KRIT1: variants seen among roughly 807,000 people sequenced by gnomAD.
KRIT1 encodes the protein KRIT1 ankyrin repeat containing, also known as krev interaction trapped protein 1.
A neutral mutation model predicts 95.8 loss-of-function variants in KRIT1; 45 were observed. The ratio of observed to expected loss-of-function variants is 0.47; its 90% CI spans 0.37 to 0.60. KRIT1 has a LOEUF of 0.60. Among genes scored for constraint, KRIT1 ranks in the 20% least tolerant of loss-of-function variants. The probability of loss-of-function intolerance (pLI) is 0.00; values close to 1 mark genes in which losing one functional copy is unlikely to be tolerated. For synonymous variants in KRIT1, 282 were observed against 278.8 expected, an observed-to-expected ratio of 1.01 and a Z score of -0.11; for missense variants, 788 against 877.5, an observed-to-expected ratio of 0.90 and a Z score of 1.29.
At chr7:92,234,408 T>C (rs1190798375) in intron 10 of KRIT1, 41 bp downstream of exon 10, 3 of 1,426,684 alleles carry the variant, frequency 2.1e-6, no homozygotes, top group Non-Finnish European at 3.0e-6. Flanking sequence ...TAATAAAAAA[T>C]GTATTCTTTC....
At chr7:92,227,498 T>C (rs1447650353) in intron 10 of KRIT1, among the ~76,000 whole-genome samples, 1 of 152,102 alleles carries the variant, frequency 6.6e-6, no homozygotes, top group African/African-American at 2.4e-5. Flanking sequence ...TCAGTCTAGA[T>C]GGTCCTGTAA....
Position 92,222,067 on chromosome 7 carries a change from T to C in KRIT1, c.1412-14A>G, listed in dbSNP as rs770576528. ...TGAGTTGAAGGCCTGAAAAACATCA[T>C]TCCTTTTATAAATGATAATGTAAAA... On this transcript the variant is annotated splice_polypyrimidine_tract_variant and intron_variant, in intron 13 of 18. Transcript: ENST00000394505. 6.2e-7 allele frequency: 1 copy of C among 1,605,990 alleles called. No individual in the cohort carries two copies. Among genetic ancestry groups the C allele is most frequent in the East Asian group, 2.2e-5 (1 of 44,780 alleles).
At chr7:92,245,231 A>C (rs1340901789) in intron 1 of KRIT1, 60 bp from the exon 2 acceptor site, 3 of 152,122 alleles carry the variant, frequency 2.0e-5, no homozygotes, top group African/African-American at 7.2e-5. Flanking sequence ...GAAGTGAGTT[A>C]GAATGACAAG....
chr7:92,234,346 G>C (rs1028888002), intron 10 of KRIT1, 103 bp downstream of exon 10: 9 of 930,948 alleles, frequency 9.7e-6, no homozygotes, highest in South Asian at 7.2e-5. Flanking sequence ...CAAACAGGTA[G>C]AGAAAAAGTA....
chr7:92,216,016 C>T (rs898557637), intron 14 of KRIT1, among the ~76,000 whole-genome samples: 33 of 151,684 alleles, frequency 2.2e-4, no homozygotes, highest in Non-Finnish European at 8.8e-5. Flanking sequence ...GATCACGAGG[C>T]CAGGAGATCG....
intron 17 of KRIT1, among the ~76,000 whole-genome samples, chr7:92,205,333 C>T (rs1330644432): frequency 1.3e-5 from 2 of 150,654 alleles, no homozygotes; most frequent in East Asian, 2.0e-4. Context: ...GCAACAAAAG[C>T]GAAACTCATC....
intron 13 of KRIT1, 68 bp from the exon 14 acceptor site, chr7:92,222,121 T>C: frequency 1.7e-6 from 2 of 1,170,590 alleles, no homozygotes; most frequent in African/African-American, 1.5e-5. Flanking sequence ...ATAGAAACTT[T>C]GTATTAAACT....
chr7:92,235,520 G>A lies in KRIT1; in HGVS notation c.612C>T (p.Asn204=), dbSNP rs907176069. ...AYATESGQTE[N]SLHMGYSALE... is the part of the protein sequence containing the mutation. Reference sequence around the variant, plus strand: ...GTGCACTATAGCCCATATGTAGTGAGTTTTCTGTCTGACCTGATTCAGTAG... The same window carrying A: ...GTGCACTATAGCCCATATGTAGTGAATTTTCTGTCTGACCTGATTCAGTAG... The change falls in exon 8 of 19, where the codon AAC becomes AAT. Residue 204 remains asparagine, a synonymous_variant. Coordinates refer to ENST00000394505, the MANE Select transcript of KRIT1 (RefSeq NM_194454.3). 3 of 1,613,856 alleles carry A rather than the reference G, an allele frequency of 1.9e-6. No homozygotes were observed. Among genetic ancestry groups the A allele is most frequent in the Non-Finnish European group, 2.5e-6 (3 of 1,179,930 alleles).
chr7:92,202,155 A>G (rs1452264809), intron 17 of KRIT1: 1 of 152,226 alleles, frequency 6.6e-6, no homozygotes, highest in Non-Finnish European at 1.5e-5. Flanking sequence ...CCCACTGAAA[A>G]TAAGTACACT....
chr7:92,218,859 A>G (rs1373463943), intron 14 of KRIT1, among the ~76,000 whole-genome samples: 1 of 152,140 alleles, frequency 6.6e-6, no homozygotes, highest in Non-Finnish European at 1.5e-5. Context: ...TAACTTACCC[A>G]ATATTTCTTT....
chr7:92,201,079 T>A (rs1204029146), intron 18 of KRIT1, among the ~76,000 whole-genome samples: 1 of 152,168 alleles, frequency 6.6e-6, no homozygotes, highest in Non-Finnish European at 1.5e-5. Flanking sequence ...CTGACCAGAA[T>A]GAAAAGACAT....
chr7:92,245,968 G>A (rs1431982716), upstream of KRIT1: 1 of 242,686 alleles, frequency 4.1e-6, no homozygotes, highest in Non-Finnish European at 8.1e-6. Flanking sequence ...CGGTGAAAGA[G>A]CTTCCGGGTC....
At chr7:92,220,863 T>C (rs1794990835) in intron 14 of KRIT1, among the ~76,000 whole-genome samples, 1 of 151,574 alleles carries the variant, frequency 6.6e-6, no homozygotes, top group Admixed American at 6.6e-5. Context: ...CTAATTTTTG[T>C]ATTTTTAGTA....
chr7:92,218,065 T>C lies in KRIT1; in HGVS notation c.1564-3288A>G, dbSNP rs188086663. On this transcript the variant is annotated intron_variant, in intron 14 of 18. Coordinates refer to ENST00000394505, the MANE Select transcript of KRIT1 (RefSeq NM_194454.3). ...TATATTCAAGTCCTTCGACCTATTT[T>C]ATTTACAGACAGGGTCTTGCTCTTT... Among the ~76,000 whole-genome samples the C allele has an allele frequency of 1.8e-3, 278 of 152,314 alleles. 2 individuals are homozygous for C. Among genetic ancestry groups the C allele is most frequent in the African/African-American group, 6.3e-3 (260 of 41,570 alleles).
chr7:92,215,250 T>C (rs1297598760), intron 14 of KRIT1, among the ~76,000 whole-genome samples: 1 of 152,234 alleles, frequency 6.6e-6, no homozygotes, highest in Admixed American at 6.5e-5. Flanking sequence ...TAAATATGGA[T>C]AATTTTTAGC....
rs980144947 is a variant in KRIT1, at chr7:92,230,066, C to T, written c.990-3384G>A. Among the ~76,000 whole-genome samples the T allele has an allele frequency of 3.3e-5, 5 of 152,026 alleles. 1 individual carries two copies. The highest frequency in any genetic ancestry group is 1.3e-4 in the Admixed American group (2 of 15,262). On this transcript the variant is annotated intron_variant, in intron 10 of 18. Coordinates refer to ENST00000394505, the MANE Select transcript of KRIT1 (RefSeq NM_194454.3). ...GGGAAAAGATAGTGAGGTAGCAATT[C>T]GAGAAGTAATAATAAAAATAATACA... is the stretch of plus-strand genomic sequence containing the variant.
At chr7:92,201,482 C>A in intron 17 of KRIT1, 59 bp from the exon 18 acceptor site, 1 of 827,920 alleles carries the variant, frequency 1.2e-6, no homozygotes, top group South Asian at 1.3e-5. Context: ...CACCTATTTT[C>A]TCTTACTATC....
At chr7:92,216,185 C>T (rs912051690) in intron 14 of KRIT1, among the ~76,000 whole-genome samples, 5 of 148,016 alleles carry the variant, frequency 3.4e-5, no homozygotes, top group Non-Finnish European at 7.4e-5. Flanking sequence ...GCCGAAATTG[C>T]ACCAGTGCAC....
chr7:92,200,889 T>C, intron 18 of KRIT1, 85 bp from the exon 19 acceptor site: 1 of 913,124 alleles, frequency 1.1e-6, no homozygotes, highest in Non-Finnish European at 1.8e-6. Flanking sequence ...GTTCCCTATC[T>C]ATTTGAAAGG....
Sources: allele counts gnomAD v4.1 joint callset (sites outside exome capture counted in the v4.1 genomes callset), GRCh38; gene constraint gnomAD v4.1.1; transcripts MANE v1.5; gene names NCBI Gene and HGNC (gene_info 2026-07-23, HGNC 2026-07-21).